The following PGAP4 variants were observed in gnomAD, a reference collection of about 807,000 sequenced individuals.
PGAP4 encodes GPI-N-acetylgalactosamine transferase PGAP4.
Under a neutral mutation model 28.2 loss-of-function variants are expected in PGAP4, and 12 were observed. The ratio of observed to expected loss-of-function variants is 0.42; its 90% CI spans 0.27 to 0.69. PGAP4 has a LOEUF of 0.69. Among genes scored for constraint, PGAP4 ranks in the 30% least tolerant of loss-of-function variants. The pLI is 0.22. For synonymous variants in PGAP4, 205 were observed against 211.8 expected (o/e 0.97, Z 0.28); for missense variants, 425 against 513.5 (o/e 0.83, Z 1.67).
chr9:101,524,503 C>A (rs187297784), intron 2 of PGAP4, among the ~76,000 whole-genome samples: 12 of 152,298 alleles, frequency 7.9e-5, no homozygotes, highest in Admixed American at 7.8e-4. Context: ...CTTCTCACCC[C>A]ATTCAAATTG....
At chr9:101,493,130 C>T (rs1003734206) in intron 2 of PGAP4, among the ~76,000 whole-genome samples, 7 of 151,380 alleles carry the variant, frequency 4.6e-5, no homozygotes, top group African/African-American at 1.5e-4. Context: ...GGCAGGCGCT[C>T]GTAGTCCCAG....
At chr9:101,493,126 C>T (rs9775687) in intron 2 of PGAP4, among the ~76,000 whole-genome samples, 19,918 of 151,478 alleles carry the variant, frequency 0.13, 1,544 homozygotes, top group African/African-American at 0.18. Flanking sequence ...TGGTGGCAGG[C>T]GCTCGTAGTC....
chr9:101,485,041 A>T (rs900950540), intron 1 of PGAP4, among the ~76,000 whole-genome samples: 1 of 152,224 alleles, frequency 6.6e-6, no homozygotes, highest in African/African-American at 2.4e-5. Context: ...TGAACATGAC[A>T]GTCAGGGCAC....
At chr9:101,494,052 G>C (rs1014043480) in intron 2 of PGAP4, among the ~76,000 whole-genome samples, 1 of 151,880 alleles carries the variant, frequency 6.6e-6, no homozygotes, top group Non-Finnish European at 1.5e-5. Flanking sequence ...AAAACTGTTT[G>C]AGGCTTGGAA....
intron 2 of PGAP4, among the ~76,000 whole-genome samples, chr9:101,492,734 C>T (rs1057299775): frequency 1.3e-5 from 2 of 151,964 alleles, no homozygotes; most frequent in Non-Finnish European, 2.9e-5. Context: ...TAGACTGTCC[C>T]CCTAAGTATC....
At chr9:101,500,114 CCTT>C (rs1328062358) in intron 2 of PGAP4, among the ~76,000 whole-genome samples, 1 of 152,088 alleles carries the variant, frequency 6.6e-6, no homozygotes, top group East Asian at 1.9e-4. Context: ...TCTTTAATCT[CCTT>C]TAATCTGGAA....
chr9:101,476,471 G>A lies in PGAP4; in HGVS notation c.622C>T (p.Leu208=), dbSNP rs904915154. 1 of 1,614,166 alleles carries A rather than the reference G, an allele frequency of 6.2e-7. No homozygotes were observed. The highest frequency in any genetic ancestry group is 1.3e-5 in the African/African-American group (1 of 75,058). Residue 208 remains leucine, a synonymous_variant, in exon 2 of 2, where the codon CTG becomes TTG. Coordinates refer to ENST00000374848, the MANE Select transcript of PGAP4 (RefSeq NM_032342.3). The surrounding 1 kb of genome is among the most constrained non-coding windows in gnomAD (Gnocchi z 7.0). ...SLQTYNPDYV[L]MVEDDAVPEE... ...GGTACAGCATCGTCTTCTACCATCA[G>A]GACGTAGTCTGGGTTGTAGGTCTGC...
chr9:101,493,913 T>C (rs1167739139), intron 2 of PGAP4, among the ~76,000 whole-genome samples: 2 of 152,202 alleles, frequency 1.3e-5, no homozygotes, highest in Admixed American at 6.6e-5. Flanking sequence ...GTTCGGTCTA[T>C]AGGTATATAA....
At chr9:101,506,780 G>A (rs533667467) in intron 2 of PGAP4, among the ~76,000 whole-genome samples, 3 of 152,126 alleles carry the variant, frequency 2.0e-5, no homozygotes, top group South Asian at 4.2e-4. Flanking sequence ...AAAGCTGGAG[G>A]CCATACAAAG....
rs1421499774 is a variant in PGAP4, at chr9:101,476,745, G to A, written c.348C>T (p.His116=). The A allele has an allele frequency of 1.9e-6, 3 of 1,613,920 alleles. No homozygotes were observed. The Admixed American group carries it at 5.0e-5, about 27-fold the overall frequency. Reference sequence around the variant, plus strand: ...ACTGGGACACAACCTGCAGGACGTAGTGGAAGCCAGGCTGCCTGTCCACAG... The same window carrying A: ...ACTGGGACACAACCTGCAGGACGTAATGGAAGCCAGGCTGCCTGTCCACAG... The part of the protein sequence containing the change: ...IITVDRQPGF[H]YVLQVVSQFH... Residue 116 remains histidine (H), a synonymous_variant, in exon 2 of 2, where the codon CAC becomes CAT. Transcript: ENST00000374848. The surrounding 1 kb of genome is among the most constrained non-coding windows in gnomAD (Gnocchi z 7.0).
chr9:101,511,843 A>G (rs908240088), intron 2 of PGAP4, among the ~76,000 whole-genome samples: 5 of 152,124 alleles, frequency 3.3e-5, no homozygotes, highest in Admixed American at 2.0e-4. Context: ...TGTACTTGCT[A>G]TAGTCTGTAT....
intron 2 of PGAP4, among the ~76,000 whole-genome samples, chr9:101,516,932 C>T (rs1177443597): frequency 1.3e-5 from 2 of 152,168 alleles, no homozygotes; most frequent in African/African-American, 2.4e-5. Context: ...CGCCAACAGA[C>T]TTTGAAAGAG....
intron 2 of PGAP4, among the ~76,000 whole-genome samples, chr9:101,494,286 G>C (rs983638042): frequency 6.6e-6 from 1 of 151,752 alleles, no homozygotes; most frequent in Admixed American, 6.6e-5. Context: ...TTGAAATTAT[G>C]TAAATAAAAA....
intron 2 of PGAP4, among the ~76,000 whole-genome samples, chr9:101,507,885 A>C (rs1826860819): frequency 6.6e-6 from 1 of 152,196 alleles, no homozygotes; most frequent in Non-Finnish European, 1.5e-5. Context: ...CACCACTTGC[A>C]GTACAGTCTT....
chr9:101,512,853 T>A (rs758394085), intron 2 of PGAP4, among the ~76,000 whole-genome samples: 12 of 152,120 alleles, frequency 7.9e-5, no homozygotes, highest in Non-Finnish European at 1.5e-4. Flanking sequence ...AGTAAAAGCA[T>A]CTCAGTGGAT....
intron 1 of PGAP4, among the ~76,000 whole-genome samples, chr9:101,483,617 A>C (rs1465279910): frequency 2.6e-5 from 4 of 152,064 alleles, no homozygotes; most frequent in Admixed American, 6.5e-5. Context: ...AATAATATAT[A>C]ATATACATAG....
In PGAP4 at chr9:101,473,810, C is replaced by A. The variant is rs1483260667; in HGVS notation, c.*2071G>T. The A allele has an allele frequency of 6.6e-6, 1 of 152,106 alleles. No homozygotes were observed. The highest frequency in any genetic ancestry group is 2.4e-5 in the African/African-American group (1 of 41,398). 9.4% of individuals were successfully genotyped at this position (152,106 alleles called of 1,614,324 possible). On this transcript the variant is annotated 3_prime_UTR_variant, in exon 2 of 2. Transcript: ENST00000374848. Reference sequence around the variant, plus strand: ...CTAATGCAACAAACTCTAATGAGTTCTAAGTTGGAGAGAGCTCAGTTCTAA... The same window carrying A: ...CTAATGCAACAAACTCTAATGAGTTATAAGTTGGAGAGAGCTCAGTTCTAA...
intron 2 of PGAP4, among the ~76,000 whole-genome samples, chr9:101,515,871 C>A (rs529717672): frequency 6.6e-6 from 1 of 152,000 alleles, no homozygotes; most frequent in African/African-American, 2.4e-5. Context: ...AGTTCTATTG[C>A]ATAGTAGGGT....
At chr9:101,533,501 A>T (rs1311371118), upstream of PGAP4, 7 of 152,428 alleles carry the variant, frequency 4.6e-5, no homozygotes, top group East Asian at 1.3e-3. Flanking sequence ...GATTGACGGG[A>T]CCGTCAGCCA....
Sources: allele counts gnomAD v4.1 joint callset (sites outside exome capture counted in the v4.1 genomes callset), GRCh38; gene constraint gnomAD v4.1.1; non-coding constraint Gnocchi (gnomAD v3.1); transcripts MANE v1.5; gene names NCBI Gene and HGNC (gene_info 2026-07-23, HGNC 2026-07-21).